Variants in SLC30A2 observed in about 807,000 individuals in gnomAD.
The protein encoded by SLC30A2 is proton-coupled zinc antiporter SLC30A2.
A neutral mutation model predicts 39.6 loss-of-function variants in SLC30A2; 19 were observed. The observed-to-expected ratio is 0.48, with a 90% CI of 0.34 to 0.70. SLC30A2 has a LOEUF of 0.70. Ranked by LOEUF, SLC30A2 falls within the 30% of genes least tolerant of loss-of-function variation. SLC30A2 has a pLI of 0.01. For synonymous variants in SLC30A2, 195 were observed against 194.8 expected (o/e 1.00, Z -0.01); for missense variants, 387 against 479.4 (o/e 0.81, Z 1.80).
intron 3 of SLC30A2, 26 bp from the exon 4 acceptor site, chr1:26,043,577 C>T: frequency 1.2e-6 from 2 of 1,608,494 alleles, no homozygotes; most frequent in South Asian, 1.1e-5. Flanking sequence ...ACCCCAACAC[C>T]CACCTTGGCA....
intron 6 of SLC30A2, among the ~76,000 whole-genome samples, chr1:26,041,039 G>A (rs2050391080): frequency 6.6e-6 from 1 of 151,972 alleles, no homozygotes; most frequent in Admixed American, 6.6e-5. Context: ...CAAGGCTGCG[G>A]TGAGCCTTGG....
chr1:26,040,918 C>CT (rs1015575743), intron 6 of SLC30A2, among the ~76,000 whole-genome samples: 1 of 20,432 alleles, frequency 4.9e-5, no homozygotes, highest in African/African-American at 8.6e-5. Context: ...ATAGTGAGAC[C>CT]CCCCCCCCAT....
Position 26,043,425 on chromosome 1 carries a change from G to C in SLC30A2, c.545C>G (p.Ser182Trp). The change falls in exon 4 of 8, where the codon TCG (serine) becomes TGG (tryptophan). Residue 182 changes from serine to tryptophan, a missense_variant. By Grantham distance (177) the Ser-to-Trp change is radical. Transcript: ENST00000374276. ...GATGTTCACAGCCACAGCGCAGCCC[G>C]ACGTGATCAGCATGGTCCCCCCGTC... ...EIDGGTMLIT[S>W]GCAVAVNIIM... 1 of 1,614,132 alleles carries C rather than the reference G, an allele frequency of 6.2e-7. No homozygotes were observed.
chr1:26,044,665 A>C (rs2050438764), intron 2 of SLC30A2, among the ~76,000 whole-genome samples: 1 of 152,210 alleles, frequency 6.6e-6, no homozygotes, highest in Admixed American at 6.5e-5. Flanking sequence ...GAATGTGCAC[A>C]TCAAGTTCAA....
intron 5 of SLC30A2, among the ~76,000 whole-genome samples, chr1:26,042,042 A>C (rs2050403614): frequency 6.6e-6 from 1 of 152,216 alleles, no homozygotes; most frequent in Non-Finnish European, 1.5e-5. Context: ...CAAGGAGCTG[A>C]GACATGGACA....
chr1:26,040,321 T>C (rs958787033), intron 6 of SLC30A2, among the ~76,000 whole-genome samples: 2 of 152,128 alleles, frequency 1.3e-5, no homozygotes, highest in Non-Finnish European at 2.9e-5. Context: ...TGATCTTGGC[T>C]CACTGCAACC....
At position 26,046,005 on chromosome 1, in the gene SLC30A2, G is replaced by T; in HGVS notation, c.-109C>A. The T allele has an allele frequency of 6.8e-7, 1 of 1,475,698 alleles. No homozygotes were observed. The highest frequency in any genetic ancestry group is 8.9e-7 in the Non-Finnish European group (1 of 1,122,924). The allele number at this position is 1,475,698 out of a possible 1,614,324, so 91.4% of individuals were successfully genotyped here. A position where few individuals can be genotyped will look rare whatever the true frequency, so the allele number is the denominator to read the frequency against. ...CTCACCCACCTGCCCCGAGGGCCCCGCGAGGTGCGCTCACTCCGGCCCGGC... is the reference window on the plus strand; with the variant it reads ...CTCACCCACCTGCCCCGAGGGCCCCTCGAGGTGCGCTCACTCCGGCCCGGC... On this transcript the variant is annotated 5_prime_UTR_variant, in exon 1 of 8. Coordinates refer to ENST00000374276, the MANE Select transcript of SLC30A2 (RefSeq NM_001004434.3). The surrounding 1 kb of genome is among the most constrained non-coding windows in gnomAD (Gnocchi z 4.4).
chr1:26,041,529 C>G (rs1240492616), intron 6 of SLC30A2, among the ~76,000 whole-genome samples, 171 bp downstream of exon 6: 3 of 152,190 alleles, frequency 2.0e-5, no homozygotes, highest in Non-Finnish European at 2.9e-5. Context: ...AGCCCAGGCT[C>G]TATGTCAAGA....
At chr1:26,045,261 G>T (rs778953048) in intron 1 of SLC30A2, 44 bp from the exon 2 acceptor site, 30 of 1,515,840 alleles carry the variant, frequency 2.0e-5, no homozygotes, top group Non-Finnish European at 2.6e-5. Context: ...CTGAGATGAG[G>T]TAAGGAGGGC....
intron 6 of SLC30A2, among the ~76,000 whole-genome samples, chr1:26,041,481 C>T (rs1049256985): frequency 1.6e-4 from 25 of 152,250 alleles, no homozygotes; most frequent in African/African-American, 4.6e-4. Flanking sequence ...AGGGAAGACT[C>T]GGGCTGGGGG....
rs11247849 is a variant in SLC30A2 at position 26,037,758 on chromosome 1, C to T, written c.*1402G>A. 100,330 of 152,076 alleles carry T rather than the reference C, an allele frequency of 0.66. 34,136 individuals carry two copies. Among genetic ancestry groups the T allele is most frequent in the East Asian group, 0.87 (4,501 of 5,172 alleles). The allele number at this position is 152,076 out of a possible 1,614,324, so 9.4% of individuals were successfully genotyped here. ...AGACCTGGAGGGGCTGAAGGACCCA[C>T]CTACCTAGAACACAGGCGATCAGGA... On this transcript the variant is annotated 3_prime_UTR_variant, in exon 8 of 8. Coordinates refer to ENST00000374276, the MANE Select transcript of SLC30A2 (RefSeq NM_001004434.3).
At chr1:26,042,502 G>T (rs1488920449) in intron 5 of SLC30A2, 47 bp downstream of exon 5, 1 of 1,555,730 alleles carries the variant, frequency 6.4e-7, no homozygotes, top group Admixed American at 1.7e-5. Context: ...TACTCAGGTG[G>T]TCTACACTCC....
In SLC30A2 at chr1:26,045,127, G is replaced by A. The variant is rs773345992; in HGVS notation, c.141C>T (p.Ala47=). ...GLDLQAIELA[A]QSNHHCHAQK... ...GAGCATGGCAGTGATGGTTGCTCTG[G>A]GCAGCCAGCTCAATGGCCTGCAAGT... Residue 47 remains alanine (A), a synonymous_variant, in exon 2 of 8, where the codon GCC becomes GCT. Coordinates refer to ENST00000374276, the MANE Select transcript of SLC30A2 (RefSeq NM_001004434.3). The A allele has an allele frequency of 1.9e-6, 3 of 1,613,892 alleles. No individual in the cohort carries two copies. The East Asian group carries it at 6.7e-5, about 36-fold the overall frequency.
intron 6 of SLC30A2, among the ~76,000 whole-genome samples, chr1:26,040,922 C>CCCT (rs1553143481): frequency 6.6e-6 from 1 of 151,182 alleles, no homozygotes; most frequent in Non-Finnish European, 1.5e-5. Context: ...TGAGACCCCC[C>CCCT]CCCCATCTCT....
At chr1:26,043,972 C>G (rs1404036815) in intron 3 of SLC30A2, among the ~76,000 whole-genome samples, 1 of 152,158 alleles carries the variant, frequency 6.6e-6, no homozygotes, top group Admixed American at 6.5e-5. Flanking sequence ...TTCCCCTCCC[C>G]CCAGAGCTGA....
Position 26,045,097 on chromosome 1 carries a change from C to T in SLC30A2, c.171G>A (p.Lys57=). ...TGGGGTCACAGTGACTGTCAGGACCCTTCTGAGCATGGCAGTGATGGTTGC... is the reference window on the plus strand; with the variant it reads ...TGGGGTCACAGTGACTGTCAGGACCTTTCTGAGCATGGCAGTGATGGTTGC... ...AQSNHHCHAQ[K]GPDSHCDPKK... Residue 57 remains lysine, a synonymous_variant, in exon 2 of 8, where the codon AAG becomes AAA. Transcript: ENST00000374276. 2 of 1,614,212 alleles carry T rather than the reference C, an allele frequency of 1.2e-6. No homozygotes were observed. Among genetic ancestry groups the T allele is most frequent in the Non-Finnish European group, 8.5e-7 (1 of 1,180,038 alleles).
intron 6 of SLC30A2, 130 bp from the exon 7 acceptor site, chr1:26,040,041 G>T: frequency 1.1e-6 from 1 of 939,552 alleles, no homozygotes; most frequent in Non-Finnish European, 1.6e-6. Flanking sequence ...GCAGGTCTGA[G>T]GCTGCCTTCA....
intron 5 of SLC30A2, among the ~76,000 whole-genome samples, chr1:26,042,049 G>A (rs1553143645): frequency 6.6e-6 from 1 of 152,190 alleles, no homozygotes; most frequent in Non-Finnish European, 1.5e-5. Context: ...CTGAGACATG[G>A]ACAGAGCAAA....
At chr1:26,043,024 CGAAA>C (rs1353938153) in intron 4 of SLC30A2, among the ~76,000 whole-genome samples, 2 of 152,150 alleles carry the variant, frequency 1.3e-5, no homozygotes, top group Admixed American at 6.5e-5. Flanking sequence ...ACAAAGACCC[CGAAA>C]GAGACACCCA....
Sources: gnomAD v4.1 joint callset for allele counts (sites outside exome capture counted in the v4.1 genomes callset) on GRCh38, gnomAD v4.1.1 for gene constraint, Gnocchi (gnomAD v3.1) non-coding constraint, MANE v1.5 for transcripts, NCBI Gene and HGNC (gene_info 2026-07-23, HGNC 2026-07-21) for gene names.